The following ARL15 variants were observed in gnomAD, a reference collection of about 807,000 sequenced individuals.
The protein encoded by ARL15 is ARF like GTPase 15, also known as ADP-ribosylation factor-like protein 15.
In ARL15, 19 loss-of-function variants were observed where a neutral mutation model predicts 25.2. The observed-to-expected ratio is 0.75, with a 90% CI of 0.53 to 1.10. The LOEUF (loss-of-function observed/expected upper bound fraction) is 1.10. Ranked by LOEUF, ARL15 falls within the 50% of genes least tolerant of loss-of-function variation. ARL15 has a pLI of 0.00. For missense variants in ARL15, 220 were observed against 246.0 expected (o/e 0.89, Z 0.71); for synonymous variants, 94 against 86.8 (o/e 1.08, Z -0.46).
intron 3 of ARL15, among the ~76,000 whole-genome samples, chr5:54,122,836 C>G (rs1306029825): frequency 6.6e-6 from 1 of 152,182 alleles, no homozygotes; most frequent in Non-Finnish European, 1.5e-5. Flanking sequence ...TTTGCTTAAG[C>G]ATTCTAATTT....
At chr5:54,059,108 CCCT>C (rs1750981461) in intron 4 of ARL15, among the ~76,000 whole-genome samples, 1 of 152,174 alleles carries the variant, frequency 6.6e-6, no homozygotes, top group South Asian at 2.1e-4. Context: ...CTTATATAAA[CCCT>C]CCTATTTTTC....
At chr5:53,899,757 C>G (rs950423113) in intron 4 of ARL15, among the ~76,000 whole-genome samples, 8 of 152,176 alleles carry the variant, frequency 5.3e-5, no homozygotes, top group Non-Finnish European at 1.0e-4. Flanking sequence ...GATTATGTCT[C>G]TCTCACATTT....
At chr5:54,247,719 A>T (rs1757127202) in intron 1 of ARL15, among the ~76,000 whole-genome samples, 1 of 152,216 alleles carries the variant, frequency 6.6e-6, no homozygotes, top group Non-Finnish European at 1.5e-5. Context: ...TCTATGAGAG[A>T]AACAAATATC....
At chr5:54,196,665 T>C (rs1372427926) in intron 1 of ARL15, among the ~76,000 whole-genome samples, 1 of 152,098 alleles carries the variant, frequency 6.6e-6, no homozygotes, top group Non-Finnish European at 1.5e-5. Flanking sequence ...AAACACAAAC[T>C]TTTGGTTGTT....
chr5:54,129,990 G>T (rs1753383217), intron 3 of ARL15, among the ~76,000 whole-genome samples: 1 of 152,192 alleles, frequency 6.6e-6, no homozygotes, highest in African/African-American at 2.4e-5. Flanking sequence ...TATAATCCCA[G>T]CACTTGGGGA....
intron 4 of ARL15, 176 bp downstream of exon 4, chr5:54,113,026 T>A (rs1471751222): frequency 1.6e-6 from 1 of 617,110 alleles, no homozygotes; most frequent in Non-Finnish European, 2.8e-6. Context: ...GGGTTAGGTA[T>A]GTAAACAAGT....
At chr5:53,898,205 T>C (rs1744935433) in intron 4 of ARL15, among the ~76,000 whole-genome samples, 1 of 152,178 alleles carries the variant, frequency 6.6e-6, no homozygotes, top group Non-Finnish European at 1.5e-5. Flanking sequence ...TTCAAACCCA[T>C]GTTGTTCAAG....
At chr5:54,283,623 G>A (rs1459615365) in intron 1 of ARL15, among the ~76,000 whole-genome samples, 1 of 152,166 alleles carries the variant, frequency 6.6e-6, no homozygotes, top group Non-Finnish European at 1.5e-5. Flanking sequence ...GACTAAGAAC[G>A]CTCATTGCCT....
chr5:54,150,638 A>T (rs1473655805), intron 3 of ARL15, among the ~76,000 whole-genome samples: 1 of 152,012 alleles, frequency 6.6e-6, no homozygotes, highest in Non-Finnish European at 1.5e-5. Context: ...TCTCTACTAA[A>T]CATACAAAAA....
rs185596855 is a variant in ARL15, at chr5:54,140,209, A to T, written c.253+14371T>A. 2.0e-5 allele frequency among the ~76,000 whole-genome samples: 3 copies of T among 151,780 alleles called. No homozygotes were observed. The East Asian group carries it at 5.9e-4, about 30-fold the overall frequency. On this transcript the variant is annotated intron_variant, in intron 3 of 4. Transcript: ENST00000504924. ...AGGTCTCTCTTAACTTACTGGAACA[A>T]AAAGGGTGATTAATTGATATCTAAA...
chr5:54,239,686 T>G (rs1360630632), intron 1 of ARL15, among the ~76,000 whole-genome samples: 1 of 152,170 alleles, frequency 6.6e-6, no homozygotes, highest in Non-Finnish European at 1.5e-5. Flanking sequence ...GGGCATATTT[T>G]TTGCTCTTCT....
intron 2 of ARL15, among the ~76,000 whole-genome samples, chr5:54,159,053 T>C (rs1481606411): frequency 1.3e-5 from 2 of 152,126 alleles, no homozygotes; most frequent in African/African-American, 4.8e-5. Flanking sequence ...GCCTAATAAA[T>C]GCACTAATTT....
chr5:54,048,616 T>TG (rs1377872845), intron 4 of ARL15, among the ~76,000 whole-genome samples: 1 of 151,638 alleles, frequency 6.6e-6, no homozygotes, highest in East Asian at 1.9e-4. Flanking sequence ...TTGGCCAGGC[T>TG]GGTCTCGAAC....
At chr5:54,295,776 T>C (rs1279209903) in intron 1 of ARL15, among the ~76,000 whole-genome samples, 2 of 152,106 alleles carry the variant, frequency 1.3e-5, no homozygotes, top group African/African-American at 2.4e-5. Context: ...AACGGCAACA[T>C]TACCCAATAA....
chr5:53,918,801 T>C (rs1745744302), intron 4 of ARL15, among the ~76,000 whole-genome samples: 1 of 150,438 alleles, frequency 6.6e-6, no homozygotes, highest in African/African-American at 2.5e-5. Flanking sequence ...GATTTTGAAA[T>C]ATATCTTATA....
chr5:54,118,831 C>A lies in ARL15; in HGVS notation c.254-5421G>T, dbSNP rs3756484. Among the ~76,000 whole-genome samples the A allele has an allele frequency of 2.1e-4, 32 of 152,188 alleles. No homozygotes were observed. In the East Asian group the frequency reaches 6.0e-3, roughly 29 times the overall value. ...TTGCCCAGGAACTTTAAATGGCATG[C>A]CTCCCAGGAGATTCCAAGGTAGGTG... On this transcript the variant is annotated intron_variant, in intron 3 of 4. Coordinates refer to ENST00000504924, the MANE Select transcript of ARL15 (RefSeq NM_019087.3).
At chr5:54,169,409 C>G (rs1754660149) in intron 2 of ARL15, among the ~76,000 whole-genome samples, 1 of 152,098 alleles carries the variant, frequency 6.6e-6, no homozygotes, top group Admixed American at 6.6e-5. Flanking sequence ...AATCCTAAAC[C>G]TTGGATACCA....
intron 1 of ARL15, among the ~76,000 whole-genome samples, chr5:54,238,179 T>C (rs913831548): frequency 3.9e-5 from 6 of 152,194 alleles, no homozygotes; most frequent in Admixed American, 2.0e-4. Context: ...AAAATGGGAA[T>C]GGAAAACGAG....
intron 4 of ARL15, among the ~76,000 whole-genome samples, chr5:54,027,462 G>A (rs2111872442): frequency 6.6e-6 from 1 of 152,244 alleles, no homozygotes; most frequent in East Asian, 1.9e-4. Flanking sequence ...TGCAGAATAT[G>A]GTATTTGCCA....
Sources: gnomAD v4.1 joint callset for allele counts (sites outside exome capture counted in the v4.1 genomes callset) on GRCh38, gnomAD v4.1.1 for gene constraint, MANE v1.5 for transcripts, NCBI Gene and HGNC (gene_info 2026-07-23, HGNC 2026-07-21) for gene names.